IQSEC1: variants seen among roughly 807,000 people sequenced by gnomAD.
The protein encoded by IQSEC1 is IQ motif and Sec7 domain ArfGEF 1.
In IQSEC1, 31 loss-of-function variants were observed where a neutral mutation model predicts 91.0. The observed-to-expected ratio is 0.34, with a 90% CI of 0.26 to 0.46. The LOEUF (loss-of-function observed/expected upper bound fraction) is 0.46. Among genes scored for constraint, IQSEC1 ranks in the 20% least tolerant of loss-of-function variants. IQSEC1 has a pLI of 1.00. For missense variants in IQSEC1, 1,388 were observed against 1,575.6 expected, an observed-to-expected ratio of 0.88 and a Z score of 2.02; for synonymous variants, 699 against 662.6, an observed-to-expected ratio of 1.05 and a Z score of -0.84.
At chr3:13,223,884 A>G (rs1162859149) in intron 1 of IQSEC1, among the ~76,000 whole-genome samples, 2 of 152,172 alleles carry the variant, frequency 1.3e-5, no homozygotes, top group Non-Finnish European at 2.9e-5. Context: ...GCTCCCTCCT[A>G]AGGCGCTGTT....
chr3:12,998,271 A>C, intron 1 of IQSEC1, among the ~76,000 whole-genome samples: 1 of 151,920 alleles, frequency 6.6e-6, no homozygotes, highest in Non-Finnish European at 1.5e-5. Flanking sequence ...GATCACCTGA[A>C]CCAGGGGAGA....
intron 3 of IQSEC1, among the ~76,000 whole-genome samples, chr3:12,929,350 G>A (rs563593299): frequency 2.4e-4 from 36 of 152,200 alleles, no homozygotes; most frequent in Admixed American, 4.6e-4. Context: ...AAGCTGGGAC[G>A]GCATCGACTT....
chr3:13,164,965 C>T (rs532563356), intron 1 of IQSEC1, among the ~76,000 whole-genome samples: 141 of 152,254 alleles, frequency 9.3e-4, no homozygotes, highest in African/African-American at 3.2e-3. Context: ...TTGTTCATTG[C>T]CTTTTCAGTA....
At position 13,103,458 on chromosome 3, in the gene IQSEC1, A is replaced by T. The variant is rs1354465242; in HGVS notation, c.303-55936T>A. ...GTGTGTTTAAAGCTGTATGATCACC[A>T]TCCTCAGTCACTGGAAGAGCTGGCC... On this transcript the variant is annotated intron_variant, in intron 2 of 15. Coordinates refer to the IQSEC1 transcript ENST00000648114. The surrounding 1 kb of genome is among the most constrained non-coding windows in gnomAD (Gnocchi z 4.1). Among the ~76,000 whole-genome samples the T allele has an allele frequency of 1.3e-5, 2 of 151,866 alleles. No individual in the cohort carries two copies. The highest frequency in any genetic ancestry group is 2.4e-5 in the African/African-American group (1 of 41,310).
intron 1 of IQSEC1, among the ~76,000 whole-genome samples, chr3:12,978,874 T>A (rs1218585811): frequency 6.6e-6 from 1 of 152,178 alleles, no homozygotes; most frequent in Non-Finnish European, 1.5e-5. Flanking sequence ...TCTTGGGATT[T>A]GTGGCATGAA....
At position 12,936,006 on chromosome 3, in the gene IQSEC1, T is replaced by A; in HGVS notation, c.1010A>T (p.Asp337Val). The change falls in exon 3 of 14, where the codon GAC becomes GTC. Residue 337 changes from aspartate to valine, a missense_variant. Physicochemically the swap from Asp to Val is radical, Grantham distance 152. Coordinates refer to ENST00000613206, the MANE Select transcript of IQSEC1 (RefSeq NM_001134382.3). Reference protein sequence around the residue: ...PDYWALAHKEDKADTDTSCRS... With the variant: ...PDYWALAHKEVKADTDTSCRS... ...GCAGCTCGTGTCCGTGTCAGCCTTG[T>A]CCTCTTTGTGGGCCAGGGCCCAGTA... 1 of 1,600,528 alleles carries A rather than the reference T, an allele frequency of 6.2e-7. No individual in the cohort carries two copies. Among genetic ancestry groups the A allele is most frequent in the East Asian group, 2.2e-5 (1 of 44,846 alleles).
chr3:13,058,487 A>G (rs1358206444), intron 1 of IQSEC1, among the ~76,000 whole-genome samples: 1 of 152,234 alleles, frequency 6.6e-6, no homozygotes, highest in African/African-American at 2.4e-5. Context: ...CACCTCACAC[A>G]GGAGCAAGCT....
At chr3:13,252,712 A>T (rs536992002) in intron 1 of IQSEC1, among the ~76,000 whole-genome samples, 1 of 133,804 alleles carries the variant, frequency 7.5e-6, no homozygotes, top group East Asian at 2.0e-4. Context: ...ACTTCTTATT[A>T]TCTATGTTTT....
intron 1 of IQSEC1, among the ~76,000 whole-genome samples, chr3:13,239,858 G>T (rs1486616678): frequency 6.6e-6 from 1 of 152,200 alleles, no homozygotes; most frequent in African/African-American, 2.4e-5. Flanking sequence ...GTTGGATGGG[G>T]GCCCCGAGGG....
chr3:13,045,054 G>A (rs897571574), intron 1 of IQSEC1, among the ~76,000 whole-genome samples: 8 of 152,352 alleles, frequency 5.3e-5, no homozygotes, highest in East Asian at 3.9e-4. Flanking sequence ...GAGTCAGGAC[G>A]CATGCCAAGG....
chr3:13,047,455 T>A, intron 1 of IQSEC1: 1 of 984,652 alleles, frequency 1.0e-6, no homozygotes, highest in Non-Finnish European at 1.2e-6. Flanking sequence ...TGGGGCAGGC[T>A]GGGGTGGACG....
intron 3 of IQSEC1, among the ~76,000 whole-genome samples, chr3:12,931,574 C>T (rs148645393): frequency 1.7e-4 from 26 of 152,340 alleles, no homozygotes; most frequent in Non-Finnish European, 2.6e-4. Context: ...ACAGCAGACA[C>T]GTTAAACACA....
rs1171324478 is a variant in IQSEC1, at chr3:12,970,384, T to A, written c.24-28519A>T. Among the ~76,000 whole-genome samples the A allele has an allele frequency of 6.6e-6, 1 of 152,156 alleles. No homozygotes were observed. The highest frequency in any genetic ancestry group is 1.5e-5 in the Non-Finnish European group (1 of 68,006). ...CGTTTAGTTCCACTGTATCACCCCATGTTTTAGTCCTGAGCTGCTTGCCTT... is the reference window on the plus strand; with the variant it reads ...CGTTTAGTTCCACTGTATCACCCCAAGTTTTAGTCCTGAGCTGCTTGCCTT... On this transcript the variant is annotated intron_variant, in intron 1 of 13. Transcript: ENST00000613206. The surrounding 1 kb of genome is among the most constrained non-coding windows in gnomAD (Gnocchi z 4.4).
At chr3:13,249,018 A>G (rs1559286065) in intron 1 of IQSEC1, among the ~76,000 whole-genome samples, 1 of 152,100 alleles carries the variant, frequency 6.6e-6, no homozygotes, top group African/African-American at 2.4e-5. Context: ...CCCTCTTATG[A>G]GAGGCTCTAC....
chr3:13,184,540 G>A (rs913461658), intron 1 of IQSEC1, among the ~76,000 whole-genome samples: 8 of 152,004 alleles, frequency 5.3e-5, no homozygotes, highest in African/African-American at 9.7e-5. Flanking sequence ...ATCGAGAACC[G>A]GGCCAGGACC....
intron 2 of IQSEC1, among the ~76,000 whole-genome samples, chr3:13,107,449 C>T (rs1487938837): frequency 2.6e-5 from 4 of 152,200 alleles, no homozygotes; most frequent in Non-Finnish European, 4.4e-5. Context: ...TTTCCAGTAC[C>T]AGTTCTGGCA....
chr3:12,991,778 G>T (rs538866183), intron 1 of IQSEC1, among the ~76,000 whole-genome samples: 1 of 152,296 alleles, frequency 6.6e-6, no homozygotes, highest in African/African-American at 2.4e-5. Context: ...ACAAATGGTC[G>T]CAGTTCTTCT....
chr3:13,250,946 G>T (rs753301476), intron 1 of IQSEC1, among the ~76,000 whole-genome samples: 1 of 152,114 alleles, frequency 6.6e-6, no homozygotes. Context: ...GGTCCCCATC[G>T]CTCCTCCTCT....
At chr3:13,184,793 C>T (rs1693903202) in intron 1 of IQSEC1, among the ~76,000 whole-genome samples, 1 of 152,196 alleles carries the variant, frequency 6.6e-6, no homozygotes, top group Non-Finnish European at 1.5e-5. Flanking sequence ...CGTTTTCTAT[C>T]TGCCAGCCAT....
Sources: allele counts gnomAD v4.1 joint callset (sites outside exome capture counted in the v4.1 genomes callset), GRCh38; gene constraint gnomAD v4.1.1; non-coding constraint Gnocchi (gnomAD v3.1); transcripts MANE v1.5; gene names NCBI Gene and HGNC (gene_info 2026-07-23, HGNC 2026-07-21).